The following PTPRT variants were observed in gnomAD, a reference collection of about 807,000 sequenced individuals.
PTPRT encodes the protein protein tyrosine phosphatase receptor type T.
A neutral mutation model predicts 176.8 loss-of-function variants in PTPRT; 56 were observed. The ratio of observed to expected loss-of-function variants is 0.32; its 90% CI spans 0.26 to 0.40. The LOEUF (loss-of-function observed/expected upper bound fraction) is 0.40. Among genes scored for constraint, PTPRT ranks in the 10% least tolerant of loss-of-function variants. PTPRT has a pLI of 1.00. For synonymous variants in PTPRT, 783 were observed against 739.0 expected, an observed-to-expected ratio of 1.06 and a Z score of -0.96; for missense variants, 1,540 against 1,908.2, an observed-to-expected ratio of 0.81 and a Z score of 3.60.
intron 1 of PTPRT, among the ~76,000 whole-genome samples, chr20:43,143,168 TC>T (rs1432487619): frequency 2.0e-5 from 3 of 152,106 alleles, no homozygotes; most frequent in African/African-American, 7.2e-5. Context: ...GAAGCCTCCC[TC>T]CTCTTCACCC....
chr20:42,358,449 C>T (rs1328199464), intron 9 of PTPRT, among the ~76,000 whole-genome samples: 5 of 152,042 alleles, frequency 3.3e-5, no homozygotes, highest in Non-Finnish European at 5.9e-5. Context: ...CAGGAATAAG[C>T]GGGCAAGGCA....
intron 13 of PTPRT, among the ~76,000 whole-genome samples, chr20:42,277,691 G>A (rs1372847119): frequency 6.6e-6 from 1 of 152,250 alleles, no homozygotes; most frequent in African/African-American, 2.4e-5. Context: ...ATGGTGGGTA[G>A]AGAGATCTCT....
At chr20:42,117,100 G>A (rs944865755) in intron 21 of PTPRT, among the ~76,000 whole-genome samples, 18 of 152,066 alleles carry the variant, frequency 1.2e-4, no homozygotes, top group Non-Finnish European at 2.6e-4. Context: ...TACCCCTTTA[G>A]GTCTGTTTCC....
intron 2 of PTPRT, among the ~76,000 whole-genome samples, chr20:42,837,388 C>T (rs1449170135): frequency 1.3e-5 from 2 of 152,204 alleles, no homozygotes; most frequent in African/African-American, 4.8e-5. Flanking sequence ...CCTCAGCACA[C>T]TTACCAGGCT....
At chr20:42,634,064 A>ATT (rs1491561618) in intron 7 of PTPRT, among the ~76,000 whole-genome samples, 1 of 39,370 alleles carries the variant, frequency 2.5e-5, no homozygotes, top group Non-Finnish European at 3.8e-5. Flanking sequence ...ATAAATATAT[A>ATT]ATATATATAT....
chr20:42,856,349 T>C (rs2078562637), intron 2 of PTPRT, among the ~76,000 whole-genome samples: 2 of 152,146 alleles, frequency 1.3e-5, no homozygotes, highest in South Asian at 2.1e-4. Flanking sequence ...AGTGGTCAAG[T>C]AGAGGGGGAA....
At chr20:42,548,649 T>G (rs2072715975) in intron 7 of PTPRT, among the ~76,000 whole-genome samples, 1 of 152,172 alleles carries the variant, frequency 6.6e-6, no homozygotes, top group Non-Finnish European at 1.5e-5. Flanking sequence ...CTAAAAATTA[T>G]GGATGTATAT....
intron 9 of PTPRT, among the ~76,000 whole-genome samples, chr20:42,366,009 A>G (rs963850933): frequency 1.3e-5 from 2 of 152,206 alleles, no homozygotes; most frequent in Non-Finnish European, 2.9e-5. Context: ...GTTGCCAGGA[A>G]GACGTGCTCT....
chr20:43,075,367 G>A (rs1004404738), intron 1 of PTPRT, among the ~76,000 whole-genome samples: 3 of 152,238 alleles, frequency 2.0e-5, no homozygotes, highest in Admixed American at 6.5e-5. Flanking sequence ...CCCAGCCGTC[G>A]AGAGCTCCGC....
chr20:42,060,145 A>G, the PTPRT span, among the ~76,000 whole-genome samples: 1 of 152,206 alleles, frequency 6.6e-6, no homozygotes, highest in African/African-American at 2.4e-5. Flanking sequence ...AAAGGGCCCA[A>G]AGAGACCTTA....
chr20:42,699,999 G>C (rs2075950431), intron 6 of PTPRT, among the ~76,000 whole-genome samples: 1 of 152,060 alleles, frequency 6.6e-6, no homozygotes, highest in Admixed American at 6.6e-5. Flanking sequence ...TCCAGGTCTT[G>C]ATCCTTCTCC....
At chr20:42,429,047 T>G (rs2059192475) in intron 9 of PTPRT, among the ~76,000 whole-genome samples, 1 of 152,200 alleles carries the variant, frequency 6.6e-6, no homozygotes, top group African/African-American at 2.4e-5. Context: ...GCACTGTGGC[T>G]AACTAGTTAA....
At chr20:43,078,997 A>C (rs1324703811) in intron 1 of PTPRT, among the ~76,000 whole-genome samples, 5 of 152,126 alleles carry the variant, frequency 3.3e-5, no homozygotes, top group Non-Finnish European at 5.9e-5. Flanking sequence ...AGAGTGCTCT[A>C]CAGTTCTGTT....
chr20:43,083,657 C>A (rs1439115617), intron 1 of PTPRT, among the ~76,000 whole-genome samples: 2 of 151,918 alleles, frequency 1.3e-5, no homozygotes, highest in Admixed American at 6.6e-5. Flanking sequence ...CCGCACCCAG[C>A]CTTAAATGTA....
intron 21 of PTPRT, among the ~76,000 whole-genome samples, chr20:42,117,261 C>G (rs1316315731): frequency 6.6e-6 from 1 of 152,172 alleles, no homozygotes; most frequent in Non-Finnish European, 1.5e-5. Flanking sequence ...GTCGCAGAGG[C>G]CAGAATTCAT....
intron 7 of PTPRT, among the ~76,000 whole-genome samples, chr20:42,594,716 C>T (rs1883843): frequency 0.29 from 44,144 of 151,942 alleles, 6,744 homozygotes; most frequent in Middle Eastern, 0.37. Flanking sequence ...CTCTCAGGTA[C>T]AGAATGTCCA....
chr20:42,086,751 A>ATATATATATATATATATATATATATATAT (rs58059394), intron 27 of PTPRT, among the ~76,000 whole-genome samples: 1 of 96,572 alleles, frequency 1.0e-5, no homozygotes, highest in Admixed American at 1.0e-4. Flanking sequence ...AAAAAAAAAA[A>ATATATATATATATATATATATATATATAT]AAATATATAT....
chr20:42,541,087 T>C (rs6030311), intron 7 of PTPRT, among the ~76,000 whole-genome samples: 25,069 of 152,186 alleles, frequency 0.16, 2,103 homozygotes, highest in African/African-American at 0.19. Context: ...AAAGAACAAT[T>C]TGATGATTTA....
the PTPRT span, among the ~76,000 whole-genome samples, chr20:42,055,859 G>C: frequency 6.6e-6 from 1 of 152,196 alleles, no homozygotes; most frequent in African/African-American, 2.4e-5. Context: ...ACCAGAAAGG[G>C]TAGAAGAGTA....
Sources: gnomAD v4.1 joint callset for allele counts (sites outside exome capture counted in the v4.1 genomes callset) on GRCh38, gnomAD v4.1.1 for gene constraint, MANE v1.5 for transcripts, NCBI Gene and HGNC (gene_info 2026-07-23, HGNC 2026-07-21) for gene names.